Variants in ENAH observed in about 807,000 individuals in gnomAD.
The protein encoded by ENAH is ENAH actin regulator, also known as protein enabled homolog.
In ENAH, 23 loss-of-function variants were observed where a neutral mutation model predicts 78.7. That is an observed-to-expected ratio of 0.29 (90% CI 0.21 to 0.41). ENAH has a LOEUF of 0.41. ENAH is among the 10% of genes least tolerant of loss of function. The probability of loss-of-function intolerance (pLI) is 1.00; values close to 1 mark genes in which losing one functional copy is unlikely to be tolerated. For synonymous variants in ENAH, 226 were observed against 241.0 expected, an observed-to-expected ratio of 0.94 and a Z score of 0.58; for missense variants, 544 against 691.0, an observed-to-expected ratio of 0.79 and a Z score of 2.39.
intron 4 of ENAH, chr1:225,524,639 G>A: frequency 3.0e-6 from 3 of 985,360 alleles, no homozygotes; most frequent in Non-Finnish European, 3.6e-6. Context: ...GGCCTCCGAA[G>A]GCCAATAGGA....
chr1:225,522,787 C>T (rs977439970), intron 4 of ENAH, among the ~76,000 whole-genome samples: 2 of 151,960 alleles, frequency 1.3e-5, no homozygotes, highest in Non-Finnish European at 2.9e-5. Flanking sequence ...AAAAGATACA[C>T]CCATATTATT....
At chr1:225,627,109 C>T (rs11801322) in intron 1 of ENAH, among the ~76,000 whole-genome samples, 18,395 of 152,126 alleles carry the variant, frequency 0.12, 1,917 homozygotes, top group African/African-American at 0.28. Flanking sequence ...ATGAGAAAGA[C>T]AGTTTTAATA....
chr1:225,498,915 C>T (rs1171527976), intron 12 of ENAH, among the ~76,000 whole-genome samples: 2 of 152,136 alleles, frequency 1.3e-5, no homozygotes, highest in Admixed American at 1.3e-4. Flanking sequence ...TCAGGGATTG[C>T]CCTAATGGGT....
intron 1 of ENAH, among the ~76,000 whole-genome samples, chr1:225,607,531 A>C (rs1392458778): frequency 6.6e-6 from 1 of 151,940 alleles, no homozygotes; most frequent in African/African-American, 2.4e-5. Flanking sequence ...AAAAAAAAAA[A>C]AACACCTGGT....
intron 10 of ENAH, among the ~76,000 whole-genome samples, chr1:225,510,988 T>A (rs868387636): frequency 6.6e-6 from 1 of 150,888 alleles, no homozygotes; most frequent in African/African-American, 2.4e-5. Flanking sequence ...ACCACTGCAC[T>A]CCAGCCTGGG....
chr1:225,498,115 A>T (rs1388633869), intron 13 of ENAH, among the ~76,000 whole-genome samples: 1 of 152,202 alleles, frequency 6.6e-6, no homozygotes, highest in Non-Finnish European at 1.5e-5. Context: ...TTTCCATCTA[A>T]GAAAAGACAA....
chr1:225,584,751 A>C (rs915342487), intron 1 of ENAH, among the ~76,000 whole-genome samples: 1 of 152,240 alleles, frequency 6.6e-6, no homozygotes, highest in Admixed American at 6.5e-5. Context: ...CAAAGTAAAT[A>C]AAATATTATA....
At chr1:225,570,491 C>G (rs1329216556) in intron 1 of ENAH, among the ~76,000 whole-genome samples, 1 of 151,870 alleles carries the variant, frequency 6.6e-6, no homozygotes, top group African/African-American at 2.4e-5. Flanking sequence ...CTTACCCTTC[C>G]TAAGACAGCA....
At chr1:225,617,029 G>A (rs554277087) in intron 1 of ENAH, among the ~76,000 whole-genome samples, 1 of 151,996 alleles carries the variant, frequency 6.6e-6, no homozygotes, top group South Asian at 2.1e-4. Context: ...AACCTGGGAG[G>A]CAGAGGTTGC....
At chr1:225,515,409 C>T (rs1188421092) in intron 6 of ENAH, 2 of 152,340 alleles carry the variant, frequency 1.3e-5, no homozygotes, top group Non-Finnish European at 2.9e-5. Flanking sequence ...TAAGTCCCAG[C>T]TTCAGCATTT....
At chr1:225,651,968 G>C (rs902275055) in intron 1 of ENAH, among the ~76,000 whole-genome samples, 9 of 152,164 alleles carry the variant, frequency 5.9e-5, no homozygotes, top group Admixed American at 5.2e-4. Context: ...GTTTTATTGA[G>C]TACAGAGCAA....
In ENAH at chr1:225,530,383, A is replaced by G. The variant is rs909097804; in HGVS notation, c.434+171T>C. 3.3e-5 allele frequency among the ~76,000 whole-genome samples: 5 copies of G among 152,336 alleles called. No individual in the cohort carries two copies. In the South Asian group the frequency reaches 1.0e-3, roughly 32 times the overall value. ...AATTTTATAACATCTCATGTCCAGC[A>G]TAACAAGTATCTGGTAACTTACTAA... On this transcript the variant is annotated intron_variant, in intron 4 of 13. Coordinates refer to ENST00000366843, the MANE Select transcript of ENAH (RefSeq NM_018212.6).
chr1:225,498,262 G>C (rs1481346694), intron 13 of ENAH, 85 bp downstream of exon 13: 5 of 1,094,918 alleles, frequency 4.6e-6, no homozygotes, highest in Non-Finnish European at 6.8e-6. Flanking sequence ...CTAATCAGCT[G>C]GGTATTTCCT....
intron 1 of ENAH, among the ~76,000 whole-genome samples, chr1:225,609,766 G>A (rs2096978003): frequency 7.4e-6 from 1 of 134,350 alleles, no homozygotes; most frequent in Admixed American, 8.7e-5. Context: ...TCAGGTTCAA[G>A]TGGTTCTCAT....
At chr1:225,615,754 G>A (rs1174700521) in intron 1 of ENAH, among the ~76,000 whole-genome samples, 4 of 151,756 alleles carry the variant, frequency 2.6e-5, no homozygotes, top group African/African-American at 9.7e-5. Context: ...GGGAGGTGAG[G>A]AGCGTCTCTG....
chr1:225,605,884 A>T (rs1168274250), intron 1 of ENAH, among the ~76,000 whole-genome samples: 1 of 152,182 alleles, frequency 6.6e-6, no homozygotes, highest in Non-Finnish European at 1.5e-5. Flanking sequence ...CAACCCTGCC[A>T]ACACCTTGAC....
intron 2 of ENAH, among the ~76,000 whole-genome samples, chr1:225,566,074 C>T (rs1343425814): frequency 6.6e-6 from 1 of 152,080 alleles, no homozygotes; most frequent in Non-Finnish European, 1.5e-5. Flanking sequence ...CAGTGCTCTA[C>T]AACCAGTGTT....
chr1:225,647,465 C>A (rs1662177518), intron 1 of ENAH, among the ~76,000 whole-genome samples: 1 of 152,126 alleles, frequency 6.6e-6, no homozygotes, highest in South Asian at 2.1e-4. Context: ...GTAGCCACTT[C>A]CAAGCTCTGT....
At chr1:225,527,697 G>A (rs1214161658) in intron 4 of ENAH, among the ~76,000 whole-genome samples, 1 of 152,152 alleles carries the variant, frequency 6.6e-6, no homozygotes, top group Admixed American at 6.5e-5. Flanking sequence ...GGTCCTGGAG[G>A]GGGAAGGAGG....
Sources: allele counts gnomAD v4.1 joint callset (sites outside exome capture counted in the v4.1 genomes callset), GRCh38; gene constraint gnomAD v4.1.1; transcripts MANE v1.5; gene names NCBI Gene and HGNC (gene_info 2026-07-23, HGNC 2026-07-21).